SLC26A8: variants seen among roughly 807,000 people sequenced by gnomAD.
SLC26A8 encodes the protein testis anion transporter 1.
SLC26A8 carries 70 observed loss-of-function variants against 105.0 expected under a neutral mutation model. The ratio of observed to expected loss-of-function variants is 0.67; its 90% CI spans 0.55 to 0.81. The LOEUF (loss-of-function observed/expected upper bound fraction) is 0.81, where lower values mean the gene tolerates loss of function less well. SLC26A8 is among the 40% of genes least tolerant of loss of function. The probability of loss-of-function intolerance (pLI) is 0.00; values close to 1 mark genes in which losing one functional copy is unlikely to be tolerated. For synonymous variants in SLC26A8, 415 were observed against 438.3 expected, an observed-to-expected ratio of 0.95 and a Z score of 0.66; for missense variants, 998 against 1,181.8, an observed-to-expected ratio of 0.84 and a Z score of 2.28.
At chr6:36,006,585 A>G (rs977423719) in intron 3 of SLC26A8, among the ~76,000 whole-genome samples, 4 of 152,202 alleles carry the variant, frequency 2.6e-5, no homozygotes, top group Non-Finnish European at 5.9e-5. Context: ...GTCTTTATTT[A>G]AATATAAGTA....
At chr6:35,991,615 T>TA in intron 7 of SLC26A8, 44 bp downstream of exon 7, 1 of 1,448,994 alleles carries the variant, frequency 6.9e-7, no homozygotes, top group Non-Finnish European at 9.1e-7. Context: ...TTTAAAATAC[T>TA]AAAATTATGC....
In SLC26A8 at chr6:35,959,602, T is replaced by A; in HGVS notation, c.1732-11A>T. Reference sequence around the variant, plus strand: ...CTTTACCATATCAACCTGAAAGACATGAGAGGTCTCATCCAGAGGAAGAAT... The same window carrying A: ...CTTTACCATATCAACCTGAAAGACAAGAGAGGTCTCATCCAGAGGAAGAAT... On this transcript the variant is annotated splice_polypyrimidine_tract_variant and intron_variant, in intron 15 of 19. Transcript: ENST00000490799. 1 of 1,611,574 alleles carries A rather than the reference T, an allele frequency of 6.2e-7. No homozygotes were observed. The highest frequency in any genetic ancestry group is 8.5e-7 in the Non-Finnish European group (1 of 1,179,356).
In SLC26A8 at chr6:35,981,989, C is replaced by A; in HGVS notation, c.1025+132G>T. The A allele has an allele frequency of 2.4e-6, 2 of 837,478 alleles. No individual in the cohort carries two copies. The highest frequency in any genetic ancestry group is 5.3e-5 in the East Asian group (2 of 38,016). The allele number at this position is 837,478 out of a possible 1,614,324, so 51.9% of individuals were successfully genotyped here. A position where few individuals can be genotyped will look rare whatever the true frequency, so the allele number is the denominator to read the frequency against. ...TCCCTAGCCCTTCTCCTTTCATGAA[C>A]CTCTGTGTTCAAAAATGAATTTTGC... On this transcript the variant is annotated intron_variant, in intron 8 of 19. Coordinates refer to ENST00000490799, the MANE Select transcript of SLC26A8 (RefSeq NM_052961.4). This position sits in a 1 kb window ranked among gnomAD's most constrained non-coding sequence, Gnocchi z 4.0.
At chr6:36,024,207 C>G (rs1243038271) in intron 1 of SLC26A8, 1 of 290,410 alleles carries the variant, frequency 3.4e-6, no homozygotes, top group Non-Finnish European at 6.7e-6. Flanking sequence ...GCAGGTAGCA[C>G]GTCAGTTCTG....
intron 1 of SLC26A8, 49 bp from the exon 2 acceptor site, chr6:36,019,758 G>T: frequency 6.7e-7 from 1 of 1,485,224 alleles, no homozygotes; most frequent in Non-Finnish European, 9.1e-7. Context: ...CAGTAATCCA[G>T]ATCCTCGGCA....
chr6:36,014,661 C>T (rs1294660032), intron 2 of SLC26A8, among the ~76,000 whole-genome samples: 1 of 152,098 alleles, frequency 6.6e-6, no homozygotes, highest in Non-Finnish European at 1.5e-5. Context: ...GCGGGCGGAT[C>T]ACAAGGTCAG....
chr6:35,979,186 TA>T (rs1304698782), intron 8 of SLC26A8, among the ~76,000 whole-genome samples: 11 of 151,756 alleles, frequency 7.2e-5, no homozygotes, highest in African/African-American at 2.2e-4. Context: ...ATTTATAATT[TA>T]TAACTTAAGG....
intron 2 of SLC26A8, among the ~76,000 whole-genome samples, chr6:36,018,819 T>G (rs1410191126): frequency 6.6e-6 from 1 of 152,208 alleles, no homozygotes; most frequent in Non-Finnish European, 1.5e-5. Context: ...GAGGTGGTGG[T>G]GGTAGATTCT....
At chr6:36,012,395 C>A in intron 2 of SLC26A8, 23 bp from the exon 3 acceptor site, 1 of 1,549,666 alleles carries the variant, frequency 6.5e-7, no homozygotes, top group South Asian at 1.2e-5. Context: ...GGAGCAGAGA[C>A]TTGGTTAGTT....
Position 36,003,348 on chromosome 6 carries a change from T to C in SLC26A8, c.329-3240A>G, listed in dbSNP as rs117302312. 1.8e-3 allele frequency among the ~76,000 whole-genome samples: 277 copies of C among 152,330 alleles called. 4 individuals are homozygous for C. In the South Asian group the frequency reaches 0.037, roughly 20 times the overall value. On this transcript the variant is annotated intron_variant, in intron 3 of 19. Coordinates refer to ENST00000490799, the MANE Select transcript of SLC26A8 (RefSeq NM_052961.4). ...GACATATCTGATACACATCATGTGA[T>C]TCATATACGTGTGACTCTTTTTTCT...
chr6:35,993,525 A>G (rs922599373), intron 5 of SLC26A8, among the ~76,000 whole-genome samples: 1 of 152,100 alleles, frequency 6.6e-6, no homozygotes. Context: ...CTGAAGGAAA[A>G]TAAAAAAGGT....
chr6:35,991,498 T>G (rs1761157738), intron 7 of SLC26A8, among the ~76,000 whole-genome samples, 161 bp downstream of exon 7: 1 of 151,942 alleles, frequency 6.6e-6, no homozygotes, highest in Non-Finnish European at 1.5e-5. Context: ...TTGTCAACTG[T>G]AGTATTAAAA....
chr6:36,018,795 C>A (rs1762057268), intron 2 of SLC26A8, among the ~76,000 whole-genome samples: 1 of 152,210 alleles, frequency 6.6e-6, no homozygotes, highest in South Asian at 2.1e-4. Context: ...CCTAGCTAGT[C>A]ACAGCGGGTA....
At chr6:35,982,282 C>T in intron 7 of SLC26A8, 79 bp from the exon 8 acceptor site, 1 of 1,404,684 alleles carries the variant, frequency 7.1e-7, no homozygotes, top group Non-Finnish European at 1.0e-6. Context: ...GCAGAGTTGC[C>T]CATTGCCTCT....
intron 5 of SLC26A8, among the ~76,000 whole-genome samples, chr6:35,993,186 T>TGG (rs71307460): frequency 0.019 from 587 of 30,718 alleles, 48 homozygotes; most frequent in African/African-American, 0.042. Context: ...TGATAGAGAT[T>TGG]GGAGGGGGGG....
chr6:35,950,538 G>T (rs1402184527), intron 19 of SLC26A8, among the ~76,000 whole-genome samples: 1 of 151,950 alleles, frequency 6.6e-6, no homozygotes, highest in Non-Finnish European at 1.5e-5. Context: ...ACCTGCCTCG[G>T]CCTCCCAAGG....
chr6:35,948,244 A>G (rs1771741628), intron 19 of SLC26A8, among the ~76,000 whole-genome samples: 1 of 152,224 alleles, frequency 6.6e-6, no homozygotes, highest in Admixed American at 6.5e-5. Context: ...CACTGATGAC[A>G]TAGGACTTCT....
At chr6:36,024,439 G>A in intron 1 of SLC26A8, 65 bp downstream of exon 1, 2 of 450,406 alleles carry the variant, frequency 4.4e-6, no homozygotes, top group Non-Finnish European at 8.9e-6. Flanking sequence ...TGCCGGTGAC[G>A]GACGCAGCCC....
rs567859037 is a variant in SLC26A8 at position 35,960,816 on chromosome 6, A to G, written c.1638+27T>C. The G allele has an allele frequency of 1.2e-4, 190 of 1,609,298 alleles. 3 individuals carry two copies. In the South Asian group the frequency reaches 2.1e-3, roughly 17 times the overall value. ...GGGGCCCACTCTATCCCTTAGGCAGAGAAATGGGACCCATTTGGATTCTTA... is the reference window on the plus strand; with the variant it reads ...GGGGCCCACTCTATCCCTTAGGCAGGGAAATGGGACCCATTTGGATTCTTA... On this transcript the variant is annotated intron_variant, in intron 14 of 19. Transcript: ENST00000490799.
Sources: gnomAD v4.1 joint callset for allele counts (sites outside exome capture counted in the v4.1 genomes callset) on GRCh38, gnomAD v4.1.1 for gene constraint, Gnocchi (gnomAD v3.1) non-coding constraint, MANE v1.5 for transcripts, NCBI Gene and HGNC (gene_info 2026-07-23, HGNC 2026-07-21) for gene names.